Variants in PKNOX2 observed in about 807,000 individuals in gnomAD.
PKNOX2 encodes homeobox protein PKNOX2.
PKNOX2 carries 14 observed loss-of-function variants against 53.1 expected under a neutral mutation model. That is an observed-to-expected ratio of 0.26 (90% confidence interval 0.17 to 0.41). The LOEUF (loss-of-function observed/expected upper bound fraction) is 0.41, where lower values mean the gene tolerates loss of function less well. Ranked by LOEUF, PKNOX2 falls within the 10% of genes least tolerant of loss-of-function variation. The pLI, the probability that PKNOX2 is intolerant of heterozygous loss-of-function variation, is 1.00. For synonymous variants in PKNOX2, 257 were observed against 242.8 expected (o/e 1.06, Z -0.54); for missense variants, 496 against 602.8 (o/e 0.82, Z 1.85).
At chr11:125,189,490 TACA>T (rs1956735635) in intron 1 of PKNOX2, among the ~76,000 whole-genome samples, 1 of 113,856 alleles carries the variant, frequency 8.8e-6, no homozygotes, top group African/African-American at 3.4e-5. Context: ...TATATATATA[TACA>T]AAAGCAAGGA....
chr11:125,239,244 T>C (rs1265675543), intron 2 of PKNOX2, among the ~76,000 whole-genome samples: 1 of 152,142 alleles, frequency 6.6e-6, no homozygotes, highest in African/African-American at 2.4e-5. Flanking sequence ...CTTTGACAAA[T>C]GAATATTGAA....
At chr11:125,399,574 A>G (rs1954613462) in intron 7 of PKNOX2, among the ~76,000 whole-genome samples, 1 of 152,252 alleles carries the variant, frequency 6.6e-6, no homozygotes, top group Non-Finnish European at 1.5e-5. Context: ...AATGAGATGG[A>G]AAGCCATCCT....
intron 5 of PKNOX2, among the ~76,000 whole-genome samples, chr11:125,372,570 G>A (rs931236646): frequency 1.3e-5 from 2 of 152,204 alleles, no homozygotes; most frequent in African/African-American, 4.8e-5. Flanking sequence ...AGTGTCTTCA[G>A]TGATGATTTT....
At chr11:125,263,794 C>T (rs1032913116) in intron 2 of PKNOX2, among the ~76,000 whole-genome samples, 1 of 152,260 alleles carries the variant, frequency 6.6e-6, no homozygotes, top group African/African-American at 2.4e-5. Flanking sequence ...CACCCGTCCA[C>T]AGACTGGCCA....
chr11:125,247,465 A>G (rs1316581575), intron 2 of PKNOX2, among the ~76,000 whole-genome samples: 1 of 152,228 alleles, frequency 6.6e-6, no homozygotes, highest in African/African-American at 2.4e-5. Context: ...TCCTAGAGCC[A>G]GCACAGGCCC....
chr11:125,410,348 G>C, intron 8 of PKNOX2, 23 bp downstream of exon 8: 1 of 1,613,290 alleles, frequency 6.2e-7, no homozygotes, highest in Non-Finnish European at 8.5e-7. Context: ...ACTGGGAAGG[G>C]TGATTGTGGG....
intron 5 of PKNOX2, among the ~76,000 whole-genome samples, chr11:125,377,053 G>A (rs1047837667): frequency 1.3e-5 from 2 of 152,192 alleles, no homozygotes; most frequent in Non-Finnish European, 2.9e-5. Context: ...AAATTTATTG[G>A]AGTAGATGGT....
At chr11:125,170,170 C>T in intron 1 of PKNOX2, among the ~76,000 whole-genome samples, 1 of 152,144 alleles carries the variant, frequency 6.6e-6, no homozygotes, top group Admixed American at 6.5e-5. Flanking sequence ...GATTCTGGGC[C>T]AGAAAGCCCA....
intron 1 of PKNOX2, among the ~76,000 whole-genome samples, chr11:125,229,151 C>G (rs778785279): frequency 2.0e-5 from 3 of 152,138 alleles, no homozygotes; most frequent in Non-Finnish European, 4.4e-5. Flanking sequence ...CAGCTGAGTA[C>G]GGCACAGCTG....
chr11:125,284,173 T>C (rs1419135152), intron 2 of PKNOX2, among the ~76,000 whole-genome samples: 1 of 152,230 alleles, frequency 6.6e-6, no homozygotes, highest in East Asian at 1.9e-4. Context: ...GCCTGGCACA[T>C]GGCAAGAGCT....
At chr11:125,389,204 C>CAA (rs1370709351) in intron 6 of PKNOX2, among the ~76,000 whole-genome samples, 1 of 151,940 alleles carries the variant, frequency 6.6e-6, no homozygotes, top group Non-Finnish European at 1.5e-5. Flanking sequence ...CAAAAACAAA[C>CAA]AAACAAACAA....
chr11:125,267,295 C>T (rs1319683640), intron 2 of PKNOX2, among the ~76,000 whole-genome samples: 1 of 152,128 alleles, frequency 6.6e-6, no homozygotes, highest in Non-Finnish European at 1.5e-5. Context: ...AAGTCCTGTC[C>T]CGGGATAGTG....
intron 2 of PKNOX2, among the ~76,000 whole-genome samples, chr11:125,268,311 T>A (rs1945517716): frequency 6.6e-6 from 1 of 152,208 alleles, no homozygotes; most frequent in Non-Finnish European, 1.5e-5. Flanking sequence ...AGCTGCATTG[T>A]AACAGTGGAA....
At chr11:125,241,311 A>G (rs1220950890) in intron 2 of PKNOX2, among the ~76,000 whole-genome samples, 1 of 152,184 alleles carries the variant, frequency 6.6e-6, no homozygotes, top group East Asian at 1.9e-4. Flanking sequence ...GCCTTTGCAC[A>G]TGCTGCTTAT....
At chr11:125,376,571 CA>C (rs1470741134) in intron 5 of PKNOX2, among the ~76,000 whole-genome samples, 6 of 152,328 alleles carry the variant, frequency 3.9e-5, no homozygotes, top group African/African-American at 1.4e-4. Context: ...TGCCAGATGG[CA>C]AAATCTGTTC....
intron 2 of PKNOX2, among the ~76,000 whole-genome samples, chr11:125,297,817 G>A (rs970908810): frequency 1.3e-5 from 2 of 152,088 alleles, no homozygotes; most frequent in Admixed American, 6.5e-5. Flanking sequence ...TCAGCTCAGC[G>A]TCATCTCCTC....
At position 125,219,564 on chromosome 11, in the gene PKNOX2, A is replaced by G. The variant is rs565207009; in HGVS notation, c.-200-15481A>G. Among the ~76,000 whole-genome samples the G allele has an allele frequency of 2.6e-5, 4 of 152,358 alleles. No individual in the cohort carries two copies. In the East Asian group the frequency reaches 7.7e-4, roughly 29 times the overall value. On this transcript the variant is annotated intron_variant, in intron 1 of 12. Coordinates refer to ENST00000298282, the MANE Select transcript of PKNOX2 (RefSeq NM_001382323.2). ...GAGCTCCTAAAAATTAACAACAACA[A>G]AAACACAACCCAGTAGAAAAAATAA...
chr11:125,382,146 C>T (rs1314099122), intron 5 of PKNOX2, among the ~76,000 whole-genome samples: 1 of 152,262 alleles, frequency 6.6e-6, no homozygotes, highest in Non-Finnish European at 1.5e-5. Flanking sequence ...AACATGCACA[C>T]TGTGCTCACA....
rs548552737 is a variant in PKNOX2 at position 125,376,194 on chromosome 11, G to A, written c.227+8209G>A. Among the ~76,000 whole-genome samples, 4 of 152,348 alleles carry A rather than the reference G, an allele frequency of 2.6e-5. No individual in the cohort carries two copies. In the East Asian group the frequency reaches 7.7e-4, roughly 29 times the overall value. ...AATGGACCTGTCCACCCACCTGGGG[G>A]AGGAGAGCTGGGCTGGAGCCCAGGA... is the stretch of plus-strand genomic sequence containing the variant. On this transcript the variant is annotated intron_variant, in intron 5 of 12. Coordinates refer to ENST00000298282, the MANE Select transcript of PKNOX2 (RefSeq NM_001382323.2).
Sources: gnomAD v4.1 joint callset for allele counts (sites outside exome capture counted in the v4.1 genomes callset) on GRCh38, gnomAD v4.1.1 for gene constraint, MANE v1.5 for transcripts, NCBI Gene and HGNC (gene_info 2026-07-23, HGNC 2026-07-21) for gene names.